Variants in DPP6 observed in about 807,000 individuals in gnomAD.
DPP6 encodes the protein A-type potassium channel modulatory protein DPP6.
In DPP6, 69 loss-of-function variants were observed where a neutral mutation model predicts 122.6. The ratio of observed to expected loss-of-function variants is 0.56; its 90% CI spans 0.46 to 0.69. The LOEUF is 0.69. Among genes scored for constraint, DPP6 ranks in the 30% least tolerant of loss-of-function variants. DPP6 has a pLI of 0.00. For synonymous variants in DPP6, 418 were observed against 433.1 expected (o/e 0.97, Z 0.43); for missense variants, 928 against 1,116.9 (o/e 0.83, Z 2.41).
chr7:154,066,792 C>T (rs1255567926), intron 1 of DPP6, among the ~76,000 whole-genome samples: 1 of 152,096 alleles, frequency 6.6e-6, no homozygotes, highest in African/African-American at 2.4e-5. Flanking sequence ...AGGCTGACAC[C>T]ATGGGATACA....
intron 1 of DPP6, among the ~76,000 whole-genome samples, chr7:153,984,767 C>T (rs1187812087): frequency 6.6e-6 from 1 of 152,134 alleles, no homozygotes; most frequent in Non-Finnish European, 1.5e-5. Flanking sequence ...TCTTTTGAAA[C>T]TTTTTATATG....
At chr7:154,474,818 T>C in intron 2 of DPP6, 121 bp from the exon 3 acceptor site, 1 of 705,588 alleles carries the variant, frequency 1.4e-6, no homozygotes, top group Non-Finnish European at 2.4e-6. Flanking sequence ...CCCCATTCAC[T>C]TATGGACGTC....
intron 1 of DPP6, among the ~76,000 whole-genome samples, chr7:154,221,781 C>A (rs900056188): frequency 1.3e-5 from 2 of 152,162 alleles, no homozygotes; most frequent in African/African-American, 4.8e-5. Flanking sequence ...TTAACCTCTG[C>A]TGAATTAAAA....
At chr7:154,293,364 T>G (rs1472296955) in intron 1 of DPP6, among the ~76,000 whole-genome samples, 1 of 152,192 alleles carries the variant, frequency 6.6e-6, no homozygotes, top group African/African-American at 2.4e-5. Flanking sequence ...GATTCAGTGA[T>G]CCCCAAGTGT....
chr7:154,392,580 A>G (rs1814714989), intron 1 of DPP6, among the ~76,000 whole-genome samples: 1 of 152,154 alleles, frequency 6.6e-6, no homozygotes, highest in Admixed American at 6.5e-5. Context: ...TATTTGACTT[A>G]GGGTAGATGT....
the DPP6 span, among the ~76,000 whole-genome samples, chr7:153,810,971 C>A: frequency 3.3e-5 from 5 of 152,076 alleles, no homozygotes; most frequent in African/African-American, 1.2e-4. Context: ...ACATGGCCAG[C>A]CTATGCTTTA....
chr7:154,042,000 G>A (rs112788931), intron 1 of DPP6, among the ~76,000 whole-genome samples: 2 of 152,066 alleles, frequency 1.3e-5, no homozygotes, highest in South Asian at 2.1e-4. Context: ...CTCGTGATCC[G>A]CCCACCTCGG....
At chr7:154,324,248 T>G (rs1808225178) in intron 1 of DPP6, among the ~76,000 whole-genome samples, 1 of 152,262 alleles carries the variant, frequency 6.6e-6, no homozygotes, top group East Asian at 1.9e-4. Flanking sequence ...GGGGAGCTGA[T>G]GTCTGCTCCT....
At chr7:153,891,167 G>A (rs1273026062) in intron 1 of DPP6, among the ~76,000 whole-genome samples, 3 of 151,052 alleles carry the variant, frequency 2.0e-5, no homozygotes, top group Admixed American at 6.6e-5. Context: ...GACTACAGGC[G>A]CCCACCACCA....
intron 1 of DPP6, among the ~76,000 whole-genome samples, chr7:153,981,631 A>G (rs190506422): frequency 2.0e-4 from 31 of 152,270 alleles, no homozygotes; most frequent in African/African-American, 7.2e-4. Flanking sequence ...CAGTTTCTTC[A>G]TAGTGTCGAT....
chr7:154,482,223 C>A (rs1823368504), intron 3 of DPP6, among the ~76,000 whole-genome samples: 1 of 151,786 alleles, frequency 6.6e-6, no homozygotes, highest in Non-Finnish European at 1.5e-5. Flanking sequence ...CAGTGTTGAG[C>A]CTGAGGGAGA....
chr7:154,355,326 G>A lies in DPP6; in HGVS notation c.244-90888G>A, dbSNP rs1036023436. Among the ~76,000 whole-genome samples, 7 of 152,122 alleles carry A rather than the reference G, an allele frequency of 4.6e-5. No individual in the cohort carries two copies. The East Asian group carries it at 5.8e-4, about 13-fold the overall frequency. On this transcript the variant is annotated intron_variant, in intron 1 of 25. Coordinates refer to ENST00000377770, the MANE Select transcript of DPP6 (RefSeq NM_130797.4). ...TGCAAATATCCTTTCTCTGTAGTTG[G>A]CCTTTTCATATAATATTTTTCACAA...
At chr7:154,055,470 A>G (rs1860503) in intron 1 of DPP6, 90,291 of 149,666 alleles carry the variant, frequency 0.6, 27,360 homozygotes, top group South Asian at 0.7. Context: ...AAACAAAAAA[A>G]GAGATTAGGT....
At chr7:153,857,240 CAATTTTTAATAGT>C in the DPP6 span, among the ~76,000 whole-genome samples, 1 of 151,484 alleles carries the variant, frequency 6.6e-6, no homozygotes, top group African/African-American at 2.4e-5. Context: ...TAGTTAAGCA[CAATTTTTAATAGT>C]TATTTAGAAA....
intron 21 of DPP6, chr7:154,885,218 C>T (rs1374270804): frequency 1.1e-5 from 2 of 187,398 alleles, no homozygotes; most frequent in Non-Finnish European, 2.2e-5. Context: ...AGGACTTGCG[C>T]CCTAAGCCAC....
chr7:154,089,350 G>A (rs1804647789), intron 1 of DPP6, among the ~76,000 whole-genome samples: 1 of 90,572 alleles, frequency 1.1e-5, no homozygotes, highest in Non-Finnish European at 2.1e-5. Flanking sequence ...GCCTCAGATG[G>A]AGGTAGTGAG....
chr7:154,816,921 G>A (rs756674687), intron 16 of DPP6, among the ~76,000 whole-genome samples: 1 of 152,150 alleles, frequency 6.6e-6, no homozygotes, highest in African/African-American at 2.4e-5. Context: ...CTTCCAGAGT[G>A]CATGTGTCCA....
the DPP6 span, among the ~76,000 whole-genome samples, chr7:153,771,998 G>C: frequency 6.6e-6 from 1 of 152,070 alleles, no homozygotes; most frequent in East Asian, 1.9e-4. Context: ...TTTATAGCAT[G>C]GTTAAAAGGT....
intron 16 of DPP6, among the ~76,000 whole-genome samples, chr7:154,819,924 G>A (rs562439457): frequency 2.0e-5 from 3 of 152,250 alleles, no homozygotes; most frequent in South Asian, 4.1e-4. Flanking sequence ...AGATGCTGCC[G>A]CCTCCCATTT....
Sources: allele counts gnomAD v4.1 joint callset (sites outside exome capture counted in the v4.1 genomes callset), GRCh38; gene constraint gnomAD v4.1.1; transcripts MANE v1.5; gene names NCBI Gene and HGNC (gene_info 2026-07-23, HGNC 2026-07-21).